Variants in TNRC6A observed in about 807,000 individuals in gnomAD.
The protein encoded by TNRC6A is trinucleotide repeat-containing gene 6A protein.
Under a neutral mutation model 221.2 loss-of-function variants are expected in TNRC6A, and 44 were observed. The ratio of observed to expected loss-of-function variants is 0.20; its 90% CI spans 0.16 to 0.26. The LOEUF (loss-of-function observed/expected upper bound fraction) is 0.26. Among genes scored for constraint, TNRC6A ranks in the 10% least tolerant of loss-of-function variants. TNRC6A has a pLI of 1.00. For synonymous variants in TNRC6A, 847 were observed against 838.5 expected, an observed-to-expected ratio of 1.01 and a Z score of -0.18; for missense variants, 2,199 against 2,404.4, an observed-to-expected ratio of 0.91 and a Z score of 1.79.
At chr16:24,753,229 C>T (rs957191206) in intron 3 of TNRC6A, among the ~76,000 whole-genome samples, 5 of 152,214 alleles carry the variant, frequency 3.3e-5, no homozygotes, top group African/African-American at 4.8e-5. Context: ...ATTCCTGTCT[C>T]ACCCCATGGT....
At chr16:24,735,687 T>C (rs1302063548) in intron 2 of TNRC6A, among the ~76,000 whole-genome samples, 1 of 152,240 alleles carries the variant, frequency 6.6e-6, no homozygotes, top group Non-Finnish European at 1.5e-5. Flanking sequence ...GCTCTTTTGA[T>C]TTTTGGCATC....
chr16:24,700,570 G>A (rs941583399), intron 2 of TNRC6A, among the ~76,000 whole-genome samples: 1 of 151,984 alleles, frequency 6.6e-6, no homozygotes, highest in Non-Finnish European at 1.5e-5. Flanking sequence ...AGTAAGTGGT[G>A]CTCCAGGGGG....
chr16:24,703,744 A>G (rs1040892891), intron 2 of TNRC6A, among the ~76,000 whole-genome samples: 3 of 152,176 alleles, frequency 2.0e-5, no homozygotes, highest in Non-Finnish European at 4.4e-5. Flanking sequence ...TCTTGAGTAT[A>G]CACCTAGAAT....
At position 24,823,349 on chromosome 16, in the gene TNRC6A, G is replaced by A. The variant is rs924277667; in HGVS notation, c.5514-83G>A. On this transcript the variant is annotated intron_variant, in intron 24 of 24. Transcript: ENST00000395799. This position sits in a 1 kb window ranked among gnomAD's most constrained non-coding sequence, Gnocchi z 4.3. ...TGCCTTCTGTGGCTTTTCTAGCAGA[G>A]ACAAGTTGCACCCTCACTTGTGAGT... 3.3e-6 allele frequency: 5 copies of A among 1,496,878 alleles called. No homozygotes were observed. The highest frequency in any genetic ancestry group is 2.3e-5 in the East Asian group (1 of 44,018). The allele number at this position is 1,496,878 out of a possible 1,614,324, so 92.7% of individuals were successfully genotyped here.
chr16:24,766,401 A>G (rs1052442156), intron 4 of TNRC6A, among the ~76,000 whole-genome samples: 2 of 152,210 alleles, frequency 1.3e-5, no homozygotes, highest in African/African-American at 4.8e-5. Flanking sequence ...GCAATATCCT[A>G]GCAACCTTTC....
intron 2 of TNRC6A, among the ~76,000 whole-genome samples, chr16:24,671,984 A>C (rs1253967455): frequency 1.3e-5 from 2 of 152,232 alleles, no homozygotes; most frequent in East Asian, 3.8e-4. Flanking sequence ...AACAGTCATA[A>C]AAAGACATTT....
chr16:24,678,310 C>CAAA (rs35383022), intron 2 of TNRC6A, among the ~76,000 whole-genome samples: 1 of 84,656 alleles, frequency 1.2e-5, no homozygotes, highest in African/African-American at 3.8e-5. Context: ...GACCCTGTCT[C>CAAA]AAAAAAAAAA....
chr16:24,819,938 C>T (rs564666110), intron 21 of TNRC6A, among the ~76,000 whole-genome samples: 1 of 152,262 alleles, frequency 6.6e-6, no homozygotes, highest in South Asian at 2.1e-4. Flanking sequence ...AGTAACAGAT[C>T]AATGGCTTGA....
intron 2 of TNRC6A, among the ~76,000 whole-genome samples, chr16:24,655,947 C>G (rs891290076): frequency 6.6e-6 from 1 of 151,586 alleles, no homozygotes; most frequent in African/African-American, 2.4e-5. Flanking sequence ...TGAGACCAGC[C>G]TGGGCAACCT....
At chr16:24,762,442 A>G (rs1040304224) in intron 4 of TNRC6A, among the ~76,000 whole-genome samples, 8 of 152,162 alleles carry the variant, frequency 5.3e-5, no homozygotes, top group African/African-American at 1.9e-4. Flanking sequence ...AAAATATTCT[A>G]AATATTTAAC....
At position 24,791,678 on chromosome 16, in the gene TNRC6A, C is replaced by G. The variant is rs866494977; in HGVS notation, c.3036C>G (p.Ser1012Arg). The G allele has an allele frequency of 6.2e-7, 1 of 1,613,554 alleles. No individual in the cohort carries two copies. Residue 1012 changes from serine (S) to arginine (R), a missense_variant, in exon 6 of 25, where the codon AGC becomes AGG. By Grantham distance (110) the Ser-to-Arg change is moderately radical. This residue lies in a region of TNRC6A where 1,405 missense variants were observed against 1,400.2 expected (regional missense o/e 1.00). Coordinates refer to ENST00000395799, the MANE Select transcript of TNRC6A (RefSeq NM_014494.4). ...GAACTTCAGCTTGGGGAGATCCAAG[C>G]AAATACAACTACAAAAATGTGAACA... ...DDGTSAWGDP[S>R]KYNYKNVNMW...
intron 2 of TNRC6A, among the ~76,000 whole-genome samples, chr16:24,682,191 G>C (rs12927275): frequency 6.6e-6 from 1 of 151,656 alleles, no homozygotes; most frequent in Non-Finnish European, 1.5e-5. Flanking sequence ...GGAAAGAGAA[G>C]ACATGTTCAA....
chr16:24,728,380 G>A (rs954106219), upstream of TNRC6A, among the ~76,000 whole-genome samples: 4 of 152,122 alleles, frequency 2.6e-5, no homozygotes, highest in East Asian at 7.7e-4. Context: ...TCGGGAGGCG[G>A]AGGTTGCGGT....
intron 1 of TNRC6A, among the ~76,000 whole-genome samples, chr16:24,636,447 T>C (rs2141716029): frequency 6.6e-6 from 1 of 152,012 alleles, no homozygotes; most frequent in South Asian, 2.1e-4. Context: ...CACAGCTCCC[T>C]GCAGCCTCAA....
At chr16:24,643,236 T>C (rs1902091921) in intron 2 of TNRC6A, among the ~76,000 whole-genome samples, 1 of 150,622 alleles carries the variant, frequency 6.6e-6, no homozygotes, top group Admixed American at 6.7e-5. Context: ...TCCTGCCCCA[T>C]GCAGAAGGAA....
chr16:24,620,941 G>A (rs2141595839), intron 1 of TNRC6A, among the ~76,000 whole-genome samples: 1 of 151,694 alleles, frequency 6.6e-6, no homozygotes, highest in Non-Finnish European at 1.5e-5. Context: ...AAAATTAGCT[G>A]GGCATGGTGG....
At chr16:24,800,680 T>C (rs1004668985) in intron 11 of TNRC6A, among the ~76,000 whole-genome samples, 4 of 152,342 alleles carry the variant, frequency 2.6e-5, no homozygotes, top group Admixed American at 6.5e-5. Context: ...GTGGGAAATC[T>C]GCCCTCTAGA....
At chr16:24,680,007 A>G (rs965450003) in intron 2 of TNRC6A, among the ~76,000 whole-genome samples, 1 of 152,242 alleles carries the variant, frequency 6.6e-6, no homozygotes, top group African/African-American at 2.4e-5. Flanking sequence ...TTCTGTAGCT[A>G]CACATAAATG....
At position 24,656,046 on chromosome 16, in the gene TNRC6A, G is replaced by A. The variant is rs552794574; in HGVS notation, n.402+15037G>A. Among the ~76,000 whole-genome samples, 673 of 151,782 alleles carry A rather than the reference G, an allele frequency of 4.4e-3. 5 individuals are homozygous for A. The highest frequency in any genetic ancestry group is 0.014 in the Middle Eastern group (4 of 294). On this transcript the variant is annotated intron_variant and non_coding_transcript_variant, in intron 2 of 2. Coordinates refer to the TNRC6A transcript ENST00000566108. ...TGGTCCCAGCTACTCAGGAGGCTGA[G>A]GCAGGAGGATCACCTGAGCCTGGGA...
Sources: allele counts gnomAD v4.1 joint callset (sites outside exome capture counted in the v4.1 genomes callset), GRCh38; gene constraint gnomAD v4.1.1; regional missense constraint gnomAD v4.1.1; non-coding constraint Gnocchi (gnomAD v3.1); transcripts MANE v1.5; gene names NCBI Gene and HGNC (gene_info 2026-07-23, HGNC 2026-07-21).